HYOU1: variants seen among roughly 807,000 people sequenced by gnomAD.
The protein encoded by HYOU1 is hypoxia up-regulated 1.
In HYOU1, 40 loss-of-function variants were observed where a neutral mutation model predicts 120.5. The ratio of observed to expected loss-of-function variants is 0.33; its 90% CI spans 0.26 to 0.43. HYOU1 has a LOEUF of 0.43. Among genes scored for constraint, HYOU1 ranks in the 20% least tolerant of loss-of-function variants. The pLI is 1.00. For missense variants in HYOU1, 1,085 were observed against 1,278.3 expected (o/e 0.85, Z 2.31); for synonymous variants, 501 against 479.4 (o/e 1.05, Z -0.59).
At chr11:119,056,404 C>T in intron 1 of HYOU1, 2 of 612,356 alleles carry the variant, frequency 3.3e-6, no homozygotes, top group Non-Finnish European at 6.1e-6. Context: ...TTTGCCACAT[C>T]CCTAAACAGA....
chr11:119,054,211 G>A lies in HYOU1; in HGVS notation c.704C>T (p.Ser235Leu). The A allele has an allele frequency of 2.5e-6, 4 of 1,613,886 alleles. No homozygotes were observed. The highest frequency in any genetic ancestry group is 1.1e-5 in the South Asian group (1 of 91,070). ...AQNIMFYDMG[S>L]GSTVCTIVTY... ...CACAATGGTGCATACGGTGCTGCCT[G>A]AGCCCATGTCATAGAACATGATATT... The change falls in exon 8 of 26, where the codon TCA (serine) becomes TTA (leucine). Residue 235 changes from serine to leucine, a missense_variant. Ser to Leu is a moderately radical substitution (Grantham distance 145, BLOSUM62 -2). Around this residue, in one of 4 missense-constraint regions of HYOU1, gnomAD observed 515 missense variants for 677.8 expected, o/e 0.76. Transcript: ENST00000617285.
chr11:119,052,265 G>T lies in HYOU1; in HGVS notation c.1122+30C>A. 6.2e-7 allele frequency: 1 copy of T among 1,614,120 alleles called. No individual in the cohort carries two copies. The highest frequency in any genetic ancestry group is 8.5e-7 in the Non-Finnish European group (1 of 1,179,998). ...TGGGTTTCCTATGCCCTTTCCTACGGGGCATTCCCGCCTTCCCCTACTCGC... is the reference window on the plus strand; with the variant it reads ...TGGGTTTCCTATGCCCTTTCCTACGTGGCATTCCCGCCTTCCCCTACTCGC... On this transcript the variant is annotated intron_variant, in intron 10 of 25. Coordinates refer to ENST00000617285, the MANE Select transcript of HYOU1 (RefSeq NM_006389.5). This position sits in a 1 kb window ranked among gnomAD's most constrained non-coding sequence, Gnocchi z 5.0.
chr11:119,049,291 T>C (rs1391860014), intron 16 of HYOU1, 88 bp from the exon 17 acceptor site: 1 of 1,580,542 alleles, frequency 6.3e-7, no homozygotes, highest in African/African-American at 1.3e-5. Context: ...CCATGGGGGT[T>C]CCATACAGGT....
Position 119,048,268 on chromosome 11 carries a change from C to T in HYOU1, c.2356G>A (p.Gly786Ser). The change falls in exon 20 of 26, where the codon GGT becomes AGT. Residue 786 changes from glycine (G) to serine (S), a missense_variant. Gly to Ser is a moderately conservative substitution (Grantham distance 56). Coordinates refer to ENST00000617285, the MANE Select transcript of HYOU1 (RefSeq NM_006389.5). This position sits in a 1 kb window ranked among gnomAD's most constrained non-coding sequence, Gnocchi z 4.7. The stretch of plus-strand genomic sequence containing the variant: ...CTCACCACTGTGGTGGCTCCAACAC[C>T]CTCATCCTCCAGCCAGGTGGATGCG... ...SAASTWLEDEGVGATTVMLKE... is the reference protein window; with the variant it reads ...SAASTWLEDESVGATTVMLKE... 6.2e-7 allele frequency: 1 copy of T among 1,611,502 alleles called. No homozygotes were observed. The highest frequency in any genetic ancestry group is 8.5e-7 in the Non-Finnish European group (1 of 1,179,986).
chr11:119,056,114 C>A lies in HYOU1; in HGVS notation c.47G>T (p.Trp16Leu), dbSNP rs782063737. 3.1e-6 allele frequency: 5 copies of A among 1,614,148 alleles called. No individual in the cohort carries two copies. The highest frequency in any genetic ancestry group is 4.2e-6 in the Non-Finnish European group (5 of 1,180,032). ...TGCCAAGAGCACAGCCACCAAGGCC[C>A]AACAGACTCGCCTCCTCGGCCTCTG... ...RRQRPRRRVCWALVAVLLADL... is the reference protein window; with the variant it reads ...RRQRPRRRVCLALVAVLLADL... Residue 16 changes from tryptophan to leucine, a missense_variant, in exon 2 of 26, where the codon TGG (tryptophan) becomes TTG (leucine). Coordinates refer to ENST00000617285, the MANE Select transcript of HYOU1 (RefSeq NM_006389.5).
intron 24 of HYOU1, 114 bp from the exon 25 acceptor site, chr11:119,045,945 C>G: frequency 9.9e-7 from 1 of 1,008,366 alleles, no homozygotes; most frequent in South Asian, 1.4e-5. Context: ...ATGCATGTAC[C>G]ACATTTGGTC....
chr11:119,055,479 G>A lies in HYOU1; in HGVS notation c.264+14C>T, dbSNP rs1312911350. On this transcript the variant is annotated intron_variant, in intron 4 of 25. Coordinates refer to ENST00000617285, the MANE Select transcript of HYOU1 (RefSeq NM_006389.5). The surrounding 1 kb of genome is among the most constrained non-coding windows in gnomAD (Gnocchi z 4.0). ...CTCTGCCCACCACTCTGGGAAGAGG[G>A]ACTGCTAGCTCACCATGCTTGCTGC... The A allele has an allele frequency of 2.5e-6, 4 of 1,612,810 alleles. No individual in the cohort carries two copies. Among genetic ancestry groups the A allele is most frequent in the East Asian group, 2.2e-5 (1 of 44,874 alleles).
In HYOU1 at chr11:119,046,542, G is replaced by A; in HGVS notation, c.2836+20C>T. On this transcript the variant is annotated intron_variant, in intron 23 of 25. Transcript: ENST00000617285. ...GTCTCCCTGTCCAGCAGAACATGCAGCCAGGTACCCTGTTCTCACCTGCTG... is the reference window on the plus strand; with the variant it reads ...GTCTCCCTGTCCAGCAGAACATGCAACCAGGTACCCTGTTCTCACCTGCTG... The A allele has an allele frequency of 6.2e-7, 1 of 1,614,000 alleles. No individual in the cohort carries two copies. The highest frequency in any genetic ancestry group is 8.5e-7 in the Non-Finnish European group (1 of 1,179,908).
chr11:119,046,123 ACT>A (rs1247592299), intron 24 of HYOU1, among the ~76,000 whole-genome samples: 3 of 148,352 alleles, frequency 2.0e-5, no homozygotes, highest in African/African-American at 7.5e-5. Flanking sequence ...ACCACGCCTG[ACT>A]CTTTTTTTTG....
intron 7 of HYOU1, 86 bp from the exon 8 acceptor site, chr11:119,054,322 G>A: frequency 8.0e-7 from 1 of 1,246,768 alleles, no homozygotes; most frequent in African/African-American, 1.5e-5. Flanking sequence ...CCAATGGGCT[G>A]TCTGACTCTT....
chr11:119,046,823 G>A (rs2133553586), intron 22 of HYOU1, 21 bp from the exon 23 acceptor site: 6 of 1,597,180 alleles, frequency 3.8e-6, no homozygotes, highest in Non-Finnish European at 4.2e-6. Context: ...GACCAGGAGA[G>A]GCTCCAAGCT....
chr11:119,047,439 T>C, intron 22 of HYOU1: 1 of 366,308 alleles, frequency 2.7e-6, no homozygotes, highest in Non-Finnish European at 5.1e-6. Flanking sequence ...GACACATCAG[T>C]TTCACCTAGC....
chr11:119,047,745 T>C lies in HYOU1; in HGVS notation c.2584A>G (p.Asn862Asp), dbSNP rs1944168165. ...VEMTTLEKVI[N>D]ETWAWKNATL... Reference sequence around the variant, plus strand: ...TACGAAGTGATTACCCAGGTCTCATTGATGACTTTCTCTAACGTTGTCATC... The same window carrying C: ...TACGAAGTGATTACCCAGGTCTCATCGATGACTTTCTCTAACGTTGTCATC... Residue 862 changes from asparagine (N) to aspartate (D), a missense_variant, in exon 22 of 26, where the codon AAT becomes GAT. Asn to Asp is a conservative substitution (Grantham distance 23). This residue lies in a region of HYOU1 where 516 missense variants were observed against 517.1 expected (regional missense o/e 1.00). Coordinates refer to ENST00000617285, the MANE Select transcript of HYOU1 (RefSeq NM_006389.5). The C allele has an allele frequency of 1.9e-6, 3 of 1,612,972 alleles. No individual in the cohort carries two copies. Among genetic ancestry groups the C allele is most frequent in the South Asian group, 1.1e-5 (1 of 91,056 alleles).
rs1944700575 is a variant in HYOU1 at position 119,055,487 on chromosome 11, G to C, written c.264+6C>G. On this transcript the variant is annotated splice_donor_region_variant and intron_variant, in intron 4 of 25. Coordinates refer to ENST00000617285, the MANE Select transcript of HYOU1 (RefSeq NM_006389.5). This position sits in a 1 kb window ranked among gnomAD's most constrained non-coding sequence, Gnocchi z 4.0. ...ACCACTCTGGGAAGAGGGACTGCTAGCTCACCATGCTTGCTGCACTGTCTC... is the reference window on the plus strand; with the variant it reads ...ACCACTCTGGGAAGAGGGACTGCTACCTCACCATGCTTGCTGCACTGTCTC... The C allele has an allele frequency of 1.2e-6, 2 of 1,613,532 alleles. No homozygotes were observed. The highest frequency in any genetic ancestry group is 1.3e-5 in the African/African-American group (1 of 75,000).
chr11:119,053,895 A>G, intron 8 of HYOU1: 1 of 471,506 alleles, frequency 2.1e-6, no homozygotes. Context: ...GGATTTCCTT[A>G]GAATACATTT....
At chr11:119,046,823 G>T in intron 22 of HYOU1, 21 bp from the exon 23 acceptor site, 2 of 1,597,298 alleles carry the variant, frequency 1.3e-6, no homozygotes, top group South Asian at 1.1e-5. Context: ...GACCAGGAGA[G>T]GCTCCAAGCT....
Position 119,048,104 on chromosome 11 carries a change from A to AG in HYOU1, c.2377-25dup. 1 of 1,613,612 alleles carries AG rather than the reference A, an allele frequency of 6.2e-7. No homozygotes were observed. Among genetic ancestry groups the AG allele is most frequent in the Non-Finnish European group, 8.5e-7 (1 of 1,180,032 alleles). Reference sequence around the variant, plus strand: ...ATCTGATGGATGTGCGATTGGGCAGAGGGGTGGAAGGGACGACAGCAGAGC... The same window carrying AG: ...ATCTGATGGATGTGCGATTGGGCAGAGGGGGTGGAAGGGACGACAGCAGAGC... On this transcript the variant is annotated intron_variant, in intron 20 of 25. Coordinates refer to ENST00000617285, the MANE Select transcript of HYOU1 (RefSeq NM_006389.5). The surrounding 1 kb of genome is among the most constrained non-coding windows in gnomAD (Gnocchi z 4.7).
chr11:119,056,411 C>T (rs1255669162), intron 1 of HYOU1: 1 of 595,446 alleles, frequency 1.7e-6, no homozygotes, highest in South Asian at 1.5e-5. Flanking sequence ...CATCCCTAAA[C>T]AGAGAAGCTA....
At position 119,051,283 on chromosome 11, in the gene HYOU1, C is replaced by G; in HGVS notation, c.1527-110G>C. The G allele has an allele frequency of 6.6e-7, 1 of 1,522,044 alleles. No individual in the cohort carries two copies. Among genetic ancestry groups the G allele is most frequent in the Non-Finnish European group, 9.0e-7 (1 of 1,113,064 alleles). The allele number at this position is 1,522,044 out of a possible 1,614,324, so 94.3% of individuals were successfully genotyped here. On this transcript the variant is annotated intron_variant, in intron 13 of 25. Coordinates refer to ENST00000617285, the MANE Select transcript of HYOU1 (RefSeq NM_006389.5). The surrounding 1 kb of genome is among the most constrained non-coding windows in gnomAD (Gnocchi z 4.2). ...GTCAGGGGCACTCCCCAAGGGCACA[C>G]TCAAGAGGACGGATGCATTCTCCAG... is the stretch of plus-strand genomic sequence containing the variant.
Sources: gnomAD v4.1 joint callset for allele counts (sites outside exome capture counted in the v4.1 genomes callset) on GRCh38, gnomAD v4.1.1 for gene constraint, gnomAD v4.1.1 regional missense constraint, Gnocchi (gnomAD v3.1) non-coding constraint, MANE v1.5 for transcripts, NCBI Gene and HGNC (gene_info 2026-07-23, HGNC 2026-07-21) for gene names.